Variants in ARHGAP20 observed in about 807,000 individuals in gnomAD.
ARHGAP20 encodes Rho GTPase activating protein 20.
A neutral mutation model predicts 73.7 loss-of-function variants in ARHGAP20; 34 were observed. The observed-to-expected ratio is 0.46, with a 90% CI of 0.35 to 0.61. The LOEUF is 0.61. Among genes scored for constraint, ARHGAP20 ranks in the 20% least tolerant of loss-of-function variants. The probability of loss-of-function intolerance (pLI) is 0.00; values close to 1 mark genes in which losing one functional copy is unlikely to be tolerated. For synonymous variants in ARHGAP20, 523 were observed against 518.2 expected (o/e 1.01, Z -0.13); for missense variants, 1,314 against 1,420.9 (o/e 0.92, Z 1.21).
At chr11:110,617,245 CTTTTA>C (rs764901620) in intron 4 of ARHGAP20, among the ~76,000 whole-genome samples, 26 of 150,120 alleles carry the variant, frequency 1.7e-4, no homozygotes, top group Non-Finnish European at 2.8e-4. Flanking sequence ...AATTCATTCT[CTTTTA>C]TTTTCTTTTT....
At chr11:110,687,650 A>G (rs945369466) in intron 2 of ARHGAP20, among the ~76,000 whole-genome samples, 7 of 152,198 alleles carry the variant, frequency 4.6e-5, no homozygotes, top group Non-Finnish European at 8.8e-5. Flanking sequence ...AAGTCTATAT[A>G]TATGTTTAAA....
chr11:110,624,299 G>C lies in ARHGAP20; in HGVS notation c.366C>G (p.Asn122Lys). The C allele has an allele frequency of 1.3e-6, 2 of 1,565,440 alleles. No homozygotes were observed. Among genetic ancestry groups the C allele is most frequent in the Non-Finnish European group, 8.6e-7 (1 of 1,158,602 alleles). Residue 122 changes from asparagine to lysine, a missense_variant, in exon 4 of 15, where the codon AAC becomes AAG. Transcript: ENST00000683387. The part of the protein sequence containing the change: ...FVVAKIKYNN[N>K]FKIKNKIKLT... ...ATTTAATTTTATTTTTTATCTTAAA[G>C]TTATTGTTATATCTAGAAAGATAAA... is the stretch of plus-strand genomic sequence containing the variant.
chr11:110,632,404 GA>G (rs1389350394), intron 2 of ARHGAP20, among the ~76,000 whole-genome samples: 1 of 151,900 alleles, frequency 6.6e-6, no homozygotes, highest in Non-Finnish European at 1.5e-5. Flanking sequence ...CTTTAATTAG[GA>G]TTTTTTTTTC....
chr11:110,601,417 C>G (rs761030093), intron 9 of ARHGAP20, among the ~76,000 whole-genome samples: 29 of 152,218 alleles, frequency 1.9e-4, no homozygotes, highest in Non-Finnish European at 3.5e-4. Flanking sequence ...ATGTAACAGG[C>G]AAAGGAATGA....
chr11:110,657,892 C>CA lies in ARHGAP20; in HGVS notation c.189-27101dup, dbSNP rs796616014. 7.8e-3 allele frequency among the ~76,000 whole-genome samples: 593 copies of CA among 76,220 alleles called. 5 individuals are homozygous for CA. The highest frequency in any genetic ancestry group is 0.022 in the African/African-American group (455 of 20,270). 50.0% of individuals were successfully genotyped at this position (76,220 alleles called of 152,430 possible). On this transcript the variant is annotated intron_variant, in intron 2 of 14. Coordinates refer to ENST00000683387, the MANE Select transcript of ARHGAP20 (RefSeq NM_001384657.1). ...CCTGGGTGACAGAGTGAGACTCCGA[C>CA]AAAAAAAAAAAGAAAGAAAAAGAGA...
chr11:110,708,290 G>A (rs1310682348), intron 1 of ARHGAP20, among the ~76,000 whole-genome samples: 1 of 152,140 alleles, frequency 6.6e-6, no homozygotes, highest in African/African-American at 2.4e-5. Flanking sequence ...GGACTCATAT[G>A]CACTGCCAGG....
chr11:110,586,345 A>C lies in ARHGAP20; in HGVS notation c.1306-20T>G. 1 of 1,405,606 alleles carries C rather than the reference A, an allele frequency of 7.1e-7. No individual in the cohort carries two copies. The highest frequency in any genetic ancestry group is 9.8e-7 in the Non-Finnish European group (1 of 1,020,838). 87.1% of individuals were successfully genotyped at this position (1,405,606 alleles called of 1,614,324 possible). Reference sequence around the variant, plus strand: ...AAAATCCTTAAATAGATGGAAAAACAAATATTTCAAATAATTATCCTCATG... The same window carrying C: ...AAAATCCTTAAATAGATGGAAAAACCAATATTTCAAATAATTATCCTCATG... On this transcript the variant is annotated intron_variant, in intron 11 of 14. Coordinates refer to ENST00000683387, the MANE Select transcript of ARHGAP20 (RefSeq NM_001384657.1).
intron 2 of ARHGAP20, among the ~76,000 whole-genome samples, chr11:110,640,595 T>A (rs948743269): frequency 6.6e-6 from 1 of 152,034 alleles, no homozygotes; most frequent in Non-Finnish European, 1.5e-5. Context: ...ATCTAATCTA[T>A]GGCAATTATC....
intron 2 of ARHGAP20, among the ~76,000 whole-genome samples, chr11:110,680,847 T>C (rs1012110107): frequency 6.6e-6 from 1 of 152,176 alleles, no homozygotes; most frequent in African/African-American, 2.4e-5. Flanking sequence ...TAAAGCAATA[T>C]ATGGGCCTGG....
At chr11:110,711,155 C>T (rs1302241503) in intron 1 of ARHGAP20, among the ~76,000 whole-genome samples, 2 of 152,172 alleles carry the variant, frequency 1.3e-5, no homozygotes, top group African/African-American at 4.8e-5. Flanking sequence ...CCCACGTGCA[C>T]TTGCTCAGGG....
chr11:110,713,056 T>G (rs996470771), upstream of ARHGAP20: 1 of 152,282 alleles, frequency 6.6e-6, no homozygotes, highest in African/African-American at 2.4e-5. Context: ...CAGCGGCCCC[T>G]GCACATTTGC....
At chr11:110,622,577 T>C (rs574456855) in intron 4 of ARHGAP20, among the ~76,000 whole-genome samples, 2 of 152,352 alleles carry the variant, frequency 1.3e-5, no homozygotes, top group Non-Finnish European at 2.9e-5. Flanking sequence ...TTCTAGAAGC[T>C]AATCTAGAAT....
At chr11:110,583,438 G>T in intron 13 of ARHGAP20, 110 bp downstream of exon 13, 6 of 999,830 alleles carry the variant, frequency 6.0e-6, no homozygotes, top group Non-Finnish European at 8.6e-6. Flanking sequence ...AATTTATAAG[G>T]ATACGGTATA....
chr11:110,636,108 T>A (rs557362896), intron 2 of ARHGAP20, among the ~76,000 whole-genome samples: 1 of 152,118 alleles, frequency 6.6e-6, no homozygotes, highest in Non-Finnish European at 1.5e-5. Context: ...GCAGTATGGC[T>A]TAATCTAGGG....
At chr11:110,711,985 A>C (rs1489687588) in intron 1 of ARHGAP20, 142 bp downstream of exon 1, 1 of 1,245,242 alleles carries the variant, frequency 8.0e-7, no homozygotes, top group Non-Finnish European at 1.0e-6. Flanking sequence ...GTGTTCTGGG[A>C]CTCTCATTAG....
intron 4 of ARHGAP20, among the ~76,000 whole-genome samples, chr11:110,621,691 C>G (rs1266413430): frequency 6.6e-6 from 1 of 151,986 alleles, no homozygotes; most frequent in African/African-American, 2.4e-5. Flanking sequence ...GCCATGCTTA[C>G]TTATGAAAGC....
At chr11:110,668,101 A>G (rs77867555) in intron 2 of ARHGAP20, among the ~76,000 whole-genome samples, 3,118 of 152,286 alleles carry the variant, frequency 0.02, 107 homozygotes, top group African/African-American at 0.07. Context: ...GTTCTGTGGG[A>G]AAAATGCTAT....
At chr11:110,652,095 G>C (rs1949368513) in intron 2 of ARHGAP20, among the ~76,000 whole-genome samples, 1 of 150,552 alleles carries the variant, frequency 6.6e-6, no homozygotes, top group Non-Finnish European at 1.5e-5. Flanking sequence ...TATGCAAATT[G>C]ATAAATGTAA....
chr11:110,711,307 C>T (rs1292590167), intron 1 of ARHGAP20, among the ~76,000 whole-genome samples: 1 of 151,938 alleles, frequency 6.6e-6, no homozygotes, highest in Non-Finnish European at 1.5e-5. Flanking sequence ...CACGCCCACA[C>T]CGACACCCGG....
Sources: allele counts gnomAD v4.1 joint callset (sites outside exome capture counted in the v4.1 genomes callset), GRCh38; gene constraint gnomAD v4.1.1; transcripts MANE v1.5; gene names NCBI Gene and HGNC (gene_info 2026-07-23, HGNC 2026-07-21).